Variants in NCKAP5 observed in about 807,000 individuals in gnomAD.
NCKAP5 encodes the protein NCK associated protein 5, also known as nck-associated protein 5.
A neutral mutation model predicts 167.0 loss-of-function variants in NCKAP5; 92 were observed. The ratio of observed to expected loss-of-function variants is 0.55; its 90% CI spans 0.47 to 0.66. The LOEUF is 0.66. NCKAP5 is among the 30% of genes least tolerant of loss of function. The probability of loss-of-function intolerance (pLI) is 0.00; values close to 1 mark genes in which losing one functional copy is unlikely to be tolerated. For missense variants in NCKAP5, 2,378 were observed against 2,315.0 expected, an observed-to-expected ratio of 1.03 and a Z score of -0.56; for synonymous variants, 891 against 877.4, an observed-to-expected ratio of 1.02 and a Z score of -0.27.
intron 2 of NCKAP5, among the ~76,000 whole-genome samples, chr2:133,552,140 G>A (rs1329564880): frequency 2.3e-5 from 2 of 87,118 alleles, no homozygotes; most frequent in Admixed American, 1.2e-4. Context: ...CTTTTACACT[G>A]TTGGTGGGAC....
At chr2:133,413,596 C>T (rs1236389056) in intron 3 of NCKAP5, among the ~76,000 whole-genome samples, 1 of 144,352 alleles carries the variant, frequency 6.9e-6, no homozygotes, top group East Asian at 2.0e-4. Context: ...GATCTCAAAA[C>T]CAGGTAAAAA....
intron 2 of NCKAP5, among the ~76,000 whole-genome samples, chr2:133,528,258 C>A (rs920734258): frequency 6.6e-6 from 1 of 151,832 alleles, no homozygotes; most frequent in Non-Finnish European, 1.5e-5. Context: ...ATAGTCATTT[C>A]TTTTCTTCTG....
the NCKAP5 span, among the ~76,000 whole-genome samples, chr2:133,579,991 T>C: frequency 2.0e-5 from 3 of 152,190 alleles, no homozygotes; most frequent in East Asian, 3.9e-4. Flanking sequence ...ATAGAGATGA[T>C]TGTTTTCTTT....
At chr2:133,091,748 A>T (rs1334015004) in intron 6 of NCKAP5, among the ~76,000 whole-genome samples, 1 of 152,080 alleles carries the variant, frequency 6.6e-6, no homozygotes, top group Non-Finnish European at 1.5e-5. Flanking sequence ...TTAGCCGGGC[A>T]TGGTGGTGGG....
chr2:132,868,332 T>C (rs745745840), intron 10 of NCKAP5, among the ~76,000 whole-genome samples: 4 of 152,172 alleles, frequency 2.6e-5, no homozygotes, highest in African/African-American at 4.8e-5. Flanking sequence ...GCCCCAATAA[T>C]GTGATCTGAT....
intron 13 of NCKAP5, among the ~76,000 whole-genome samples, chr2:132,786,446 C>T (rs183306479): frequency 6.6e-6 from 1 of 152,190 alleles, no homozygotes; most frequent in East Asian, 1.9e-4. Flanking sequence ...TACATATACA[C>T]ATACACACAT....
At chr2:132,788,361 G>A (rs1217541254) in intron 13 of NCKAP5, among the ~76,000 whole-genome samples, 2 of 152,054 alleles carry the variant, frequency 1.3e-5, no homozygotes, top group East Asian at 3.9e-4. Context: ...GGTCTTAATG[G>A]GAGCAAACTG....
At chr2:132,940,672 C>T (rs1697230226) in intron 8 of NCKAP5, among the ~76,000 whole-genome samples, 1 of 151,774 alleles carries the variant, frequency 6.6e-6, no homozygotes, top group Admixed American at 6.6e-5. Flanking sequence ...GTGGTAGGTA[C>T]TTATGATGAA....
chr2:133,268,650 T>C (rs2089362448), intron 4 of NCKAP5, among the ~76,000 whole-genome samples: 1 of 151,998 alleles, frequency 6.6e-6, no homozygotes, highest in Non-Finnish European at 1.5e-5. Context: ...GCCCGGCTAA[T>C]TTTTTGTATT....
intron 3 of NCKAP5, among the ~76,000 whole-genome samples, chr2:133,452,622 AT>A (rs1691618138): frequency 6.6e-6 from 1 of 152,190 alleles, no homozygotes; most frequent in Non-Finnish European, 1.5e-5. Flanking sequence ...CTGTTTAACC[AT>A]TTCTAAAATG....
At chr2:133,609,347 T>C in the NCKAP5 span, among the ~76,000 whole-genome samples, 1 of 152,266 alleles carries the variant, frequency 6.6e-6, no homozygotes, top group South Asian at 2.1e-4. Flanking sequence ...ATAAACAATG[T>C]CATATTTAAT....
At chr2:133,610,556 G>A in the NCKAP5 span, among the ~76,000 whole-genome samples, 2 of 152,022 alleles carry the variant, frequency 1.3e-5, no homozygotes, top group South Asian at 2.1e-4. Flanking sequence ...GCTAAACCTG[G>A]GGGGCAAGAG....
chr2:133,534,652 G>A (rs1685617613), intron 2 of NCKAP5, among the ~76,000 whole-genome samples: 1 of 152,110 alleles, frequency 6.6e-6, no homozygotes, highest in African/African-American at 2.4e-5. Flanking sequence ...CCATGTTGCA[G>A]CACGTGGCAA....
intron 5 of NCKAP5, among the ~76,000 whole-genome samples, chr2:133,185,033 C>G (rs1338901345): frequency 1.3e-5 from 2 of 152,070 alleles, no homozygotes; most frequent in South Asian, 4.2e-4. Context: ...AAATTCATTG[C>G]CTAGACCACT....
the NCKAP5 span, among the ~76,000 whole-genome samples, chr2:133,647,204 G>A: frequency 3.8e-4 from 57 of 151,966 alleles, 1 homozygote; most frequent in Admixed American, 2.1e-3. Context: ...GGGCATGGTT[G>A]TGCATATCTG....
intron 5 of NCKAP5, among the ~76,000 whole-genome samples, chr2:133,208,798 C>T (rs2086077111): frequency 6.6e-6 from 1 of 152,114 alleles, no homozygotes; most frequent in African/African-American, 2.4e-5. Context: ...TGCAATTTTT[C>T]TGTAATAAAA....
rs1391568304 is a variant in NCKAP5 at position 132,963,707 on chromosome 2, C to A, written c.579+13G>T. On this transcript the variant is annotated intron_variant, in intron 8 of 19. Coordinates refer to ENST00000409261, the MANE Select transcript of NCKAP5 (RefSeq NM_207363.3). ...TTTTTCTTGAAGAGTGTAAAAATTG[C>A]TTCATTTCTTACCTCTAGAGCTTTC... The A allele has an allele frequency of 6.2e-7, 1 of 1,609,672 alleles. No homozygotes were observed. The highest frequency in any genetic ancestry group is 1.3e-5 in the African/African-American group (1 of 74,546).
intron 6 of NCKAP5, among the ~76,000 whole-genome samples, chr2:133,025,377 A>G (rs1416337905): frequency 6.6e-6 from 1 of 152,236 alleles, no homozygotes; most frequent in Non-Finnish European, 1.5e-5. Flanking sequence ...TCTACTTTGC[A>G]TGCTTCCAGG....
At chr2:133,256,635 A>C (rs1387139788) in intron 4 of NCKAP5, among the ~76,000 whole-genome samples, 1 of 152,196 alleles carries the variant, frequency 6.6e-6, no homozygotes, top group Non-Finnish European at 1.5e-5. Context: ...TAACCACCTA[A>C]TTAGAAAATG....
Sources: allele counts gnomAD v4.1 joint callset (sites outside exome capture counted in the v4.1 genomes callset), GRCh38; gene constraint gnomAD v4.1.1; transcripts MANE v1.5; gene names NCBI Gene and HGNC (gene_info 2026-07-23, HGNC 2026-07-21).